The following RP1 variants were observed in gnomAD, a reference collection of about 807,000 sequenced individuals.
RP1 encodes the protein RP1 axonemal microtubule associated.
Under a neutral mutation model 14.8 loss-of-function variants are expected in RP1, and 16 were observed. The observed-to-expected ratio is 1.08, with a 90% confidence interval of 0.73 to 1.65. The LOEUF (loss-of-function observed/expected upper bound fraction) is 1.65. RP1 is among the 40% of genes most tolerant of loss of function. The probability of loss-of-function intolerance (pLI) is 0.00; values close to 1 mark genes in which losing one functional copy is unlikely to be tolerated. For synonymous variants in RP1, 876 were observed against 883.6 expected (o/e 0.99, Z 0.15); for missense variants, 2,631 against 2,535.0 (o/e 1.04, Z -0.81).
At chr8:54,806,207 C>A (rs556843045) in intron 24 of RP1, among the ~76,000 whole-genome samples, 2 of 151,942 alleles carry the variant, frequency 1.3e-5, no homozygotes, top group Non-Finnish European at 2.9e-5. Flanking sequence ...TTAGTAGAAA[C>A]GGGGTTTCAC....
At chr8:54,714,503 A>G (rs1808358043) in intron 15 of RP1, among the ~76,000 whole-genome samples, 1 of 151,798 alleles carries the variant, frequency 6.6e-6, no homozygotes, top group Admixed American at 6.6e-5. Flanking sequence ...GGCTCAACTA[A>G]TTATGTGTCA....
At chr8:54,828,553 C>T (rs1389346001) in intron 24 of RP1, among the ~76,000 whole-genome samples, 1 of 152,288 alleles carries the variant, frequency 6.6e-6, no homozygotes, top group East Asian at 1.9e-4. Flanking sequence ...GAAGCAGATG[C>T]TAGTGCTGGG....
chr8:54,574,821 A>T (rs1804607947), intron 1 of RP1, among the ~76,000 whole-genome samples: 1 of 152,110 alleles, frequency 6.6e-6, no homozygotes, highest in South Asian at 2.1e-4. Flanking sequence ...AGGAACGAAA[A>T]AATTGTTCCA....
chr8:54,826,836 T>C (rs1811395193), intron 24 of RP1, among the ~76,000 whole-genome samples: 1 of 152,214 alleles, frequency 6.6e-6, no homozygotes, highest in Non-Finnish European at 1.5e-5. Context: ...TCACAGGTAA[T>C]TTTGTCATTG....
At chr8:54,603,613 A>G (rs1023551867) in intron 1 of RP1, among the ~76,000 whole-genome samples, 4 of 152,160 alleles carry the variant, frequency 2.6e-5, no homozygotes, top group African/African-American at 9.7e-5. Flanking sequence ...CATTGAATCT[A>G]TAAATTACCT....
intron 17 of RP1, among the ~76,000 whole-genome samples, chr8:54,727,281 C>T (rs1423809302): frequency 6.6e-6 from 1 of 151,828 alleles, no homozygotes; most frequent in Non-Finnish European, 1.5e-5. Flanking sequence ...TTTTTATTTC[C>T]ATGTCATGTC....
At chr8:54,805,808 T>C (rs1810833744) in intron 24 of RP1, among the ~76,000 whole-genome samples, 2 of 152,034 alleles carry the variant, frequency 1.3e-5, no homozygotes, top group African/African-American at 4.8e-5. Flanking sequence ...CCAGCCATTA[T>C]ATATGGCATC....
At chr8:54,674,958 G>A (rs1173241940) in intron 8 of RP1, among the ~76,000 whole-genome samples, 2 of 152,144 alleles carry the variant, frequency 1.3e-5, no homozygotes, top group Non-Finnish European at 2.9e-5. Context: ...CCCACAGTGA[G>A]GCAAATGATT....
intron 1 of RP1, among the ~76,000 whole-genome samples, chr8:54,565,302 T>A (rs1008568519): frequency 6.6e-6 from 1 of 152,132 alleles, no homozygotes; most frequent in Non-Finnish European, 1.5e-5. Context: ...TGGTGGCTCA[T>A]GCCTGTAATC....
chr8:54,755,822 G>A (rs1429413100), intron 21 of RP1: 83 of 1,367,642 alleles, frequency 6.1e-5, no homozygotes, highest in Admixed American at 2.2e-4. Context: ...TCTGAAGATG[G>A]CCACATATGA....
At chr8:54,622,360 C>G (rs2129314849) in intron 3 of RP1, 72 bp downstream of exon 3, 1 of 1,343,558 alleles carries the variant, frequency 7.4e-7, no homozygotes, top group Non-Finnish European at 1.1e-6. Flanking sequence ...ACGGCAAAAT[C>G]CATGCTTCAA....
chr8:54,851,563 C>G (rs989458811), intron 25 of RP1, among the ~76,000 whole-genome samples: 3 of 152,124 alleles, frequency 2.0e-5, no homozygotes, highest in African/African-American at 7.2e-5. Context: ...CAGACCAGCT[C>G]TTCTTTATAG....
chr8:54,783,439 C>T (rs996517515), intron 23 of RP1: 18 of 506,100 alleles, frequency 3.6e-5, no homozygotes, highest in African/African-American at 5.9e-5. Flanking sequence ...CTTGATTTCA[C>T]GAACTATTCA....
At chr8:54,757,630 G>A (rs1421631667) in intron 21 of RP1, among the ~76,000 whole-genome samples, 1 of 152,190 alleles carries the variant, frequency 6.6e-6, no homozygotes, top group African/African-American at 2.4e-5. Flanking sequence ...TCCCACCAGG[G>A]GAAGCCCTCA....
At chr8:54,717,711 A>G (rs888937183) in intron 15 of RP1, among the ~76,000 whole-genome samples, 1 of 152,138 alleles carries the variant, frequency 6.6e-6, no homozygotes, top group African/African-American at 2.4e-5. Context: ...ATCTCTCACC[A>G]CTCCAATATT....
exon 12 of RP1, chr8:54,679,897 A>G (rs1467957305): frequency 3.3e-6 from 5 of 1,535,936 alleles, no homozygotes; most frequent in Non-Finnish European, 4.4e-6. Flanking sequence ...TCCAGATGGC[A>G]CAGTTGACGC....
At chr8:54,586,543 A>C (rs1197904228) in intron 1 of RP1, among the ~76,000 whole-genome samples, 3 of 152,214 alleles carry the variant, frequency 2.0e-5, no homozygotes, top group Non-Finnish European at 4.4e-5. Flanking sequence ...GGGACATTTA[A>C]GTCTGCATAG....
chr8:54,637,228 G>A (rs1351795849), intron 3 of RP1, among the ~76,000 whole-genome samples: 2 of 152,168 alleles, frequency 1.3e-5, no homozygotes, highest in African/African-American at 4.8e-5. Flanking sequence ...TATGTAGAGT[G>A]CTATGTAATA....
At chr8:54,622,625 G>A (rs1407698696) in intron 3 of RP1, among the ~76,000 whole-genome samples, 1 of 152,148 alleles carries the variant, frequency 6.6e-6, no homozygotes, top group Non-Finnish European at 1.5e-5. Context: ...TAGTTGCGGA[G>A]TTTTCTCTAA....
Sources: allele counts gnomAD v4.1 joint callset (sites outside exome capture counted in the v4.1 genomes callset), GRCh38; gene constraint gnomAD v4.1.1; transcripts MANE v1.5; gene names NCBI Gene and HGNC (gene_info 2026-07-23, HGNC 2026-07-21).